The following ANO2 variants were observed in gnomAD, a reference collection of about 807,000 sequenced individuals.
ANO2 encodes anoctamin-2.
A neutral mutation model predicts 124.2 loss-of-function variants in ANO2; 101 were observed. The ratio of observed to expected loss-of-function variants is 0.81; its 90% CI spans 0.69 to 0.96. ANO2 has a LOEUF of 0.96. Ranked by LOEUF, ANO2 falls within the 40% of genes least tolerant of loss-of-function variation. The pLI is 0.00. For missense variants in ANO2, 1,293 were observed against 1,274.5 expected, an observed-to-expected ratio of 1.01 and a Z score of -0.22; for synonymous variants, 486 against 482.5, an observed-to-expected ratio of 1.01 and a Z score of -0.09.
intron 14 of ANO2, among the ~76,000 whole-genome samples, chr12:5,668,147 TTAAC>T (rs781559673): frequency 6.6e-6 from 1 of 152,220 alleles, no homozygotes; most frequent in Non-Finnish European, 1.5e-5. Flanking sequence ...CCACAATAGT[TTAAC>T]TAATTGACAT....
chr12:5,701,056 G>A (rs1280675897), intron 14 of ANO2, among the ~76,000 whole-genome samples: 1 of 148,910 alleles, frequency 6.7e-6, no homozygotes, highest in Admixed American at 6.7e-5. Context: ...CTTCTTACAG[G>A]GTAAATCCTC....
chr12:5,696,262 T>C (rs980462356), intron 14 of ANO2, among the ~76,000 whole-genome samples: 16 of 152,132 alleles, frequency 1.1e-4, no homozygotes, highest in African/African-American at 3.9e-4. Flanking sequence ...TCTAACACAT[T>C]GATCAGACCT....
intron 19 of ANO2, among the ~76,000 whole-genome samples, chr12:5,605,865 G>T (rs187143096): frequency 1.3e-5 from 2 of 152,270 alleles, no homozygotes; most frequent in African/African-American, 4.8e-5. Flanking sequence ...AAGGAGATGC[G>T]TATGAACATC....
chr12:5,583,651 TCAAA>T (rs1942899189), intron 20 of ANO2: 1 of 29,292 alleles, frequency 3.4e-5, no homozygotes, highest in Admixed American at 5.7e-4. Context: ...GGACTCCGTC[TCAAA>T]AAAAAAAAAA....
intron 4 of ANO2, among the ~76,000 whole-genome samples, chr12:5,844,646 T>C (rs1428477760): frequency 1.3e-5 from 2 of 152,200 alleles, no homozygotes; most frequent in East Asian, 3.9e-4. Flanking sequence ...GAATGTGGAA[T>C]AACTCACTGA....
intron 1 of ANO2, among the ~76,000 whole-genome samples, chr12:5,944,843 T>C (rs564146122): frequency 6.6e-6 from 1 of 152,192 alleles, no homozygotes; most frequent in East Asian, 1.9e-4. Context: ...CTTCAGATGC[T>C]GTAGGCTAAA....
intron 14 of ANO2, among the ~76,000 whole-genome samples, chr12:5,730,684 C>T (rs1338694092): frequency 6.6e-6 from 1 of 152,226 alleles, no homozygotes; most frequent in Non-Finnish European, 1.5e-5. Flanking sequence ...ACAAGAGCAG[C>T]ATCCACCTTT....
chr12:5,647,617 C>A lies in ANO2; in HGVS notation c.1620+110G>T, dbSNP rs2277400. ...CCCTCTACACAGGACTGTGGCTTCC[C>A]CTTTACCAGCCTCTCATTATTTCCA... is the stretch of plus-strand genomic sequence containing the variant. On this transcript the variant is annotated intron_variant, in intron 15 of 24. Transcript: ENST00000682330. The A allele has an allele frequency of 1.8e-5, 17 of 938,244 alleles. No homozygotes were observed. The East Asian group carries it at 2.9e-4, about 16-fold the overall frequency. 58.1% of individuals were successfully genotyped at this position (938,244 alleles called of 1,614,324 possible).
Position 5,854,117 on chromosome 12 carries a change from C to A in ANO2, c.559G>T (p.Val187Phe), listed in dbSNP as rs755963554. 2 of 1,613,288 alleles carry A rather than the reference C, an allele frequency of 1.2e-6. No homozygotes were observed. Among genetic ancestry groups the A allele is most frequent in the Non-Finnish European group, 1.7e-6 (2 of 1,179,532 alleles). The change falls in exon 4 of 25, where the codon GTC becomes TTC. Residue 187 changes from valine (V) to phenylalanine (F), a missense_variant. Val to Phe is a conservative substitution (Grantham distance 50, BLOSUM62 -1). Coordinates refer to ENST00000682330, the MANE Select transcript of ANO2 (RefSeq NM_001364791.2). The stretch of plus-strand genomic sequence containing the variant: ...ACCTGCCACGGGGCGTGTATCCGGA[C>A]AAAGATGGATCCCTGGCTTTTATTC... ...LENKSQGSIF[V>F]RIHAPWQVLA...
At chr12:5,938,923 A>T (rs4764502) in intron 1 of ANO2, among the ~76,000 whole-genome samples, 133,262 of 150,406 alleles carry the variant, frequency 0.89, 59,731 homozygotes, top group East Asian at 0.99. Flanking sequence ...ATTTTTTTTT[A>T]AAAATAATTT....
At chr12:5,597,134 C>T (rs914387076) in intron 20 of ANO2, among the ~76,000 whole-genome samples, 5 of 152,002 alleles carry the variant, frequency 3.3e-5, no homozygotes. Context: ...GGTGCAAGTG[C>T]AGGTTTGTCA....
chr12:5,745,758 C>T (rs1951248068), intron 11 of ANO2, among the ~76,000 whole-genome samples: 1 of 152,096 alleles, frequency 6.6e-6, no homozygotes, highest in African/African-American at 2.4e-5. Context: ...TCCACTGACT[C>T]GCTGGCAAAG....
chr12:5,586,023 T>C (rs1344042419), intron 20 of ANO2, among the ~76,000 whole-genome samples: 2 of 152,208 alleles, frequency 1.3e-5, no homozygotes, highest in Non-Finnish European at 2.9e-5. Flanking sequence ...TTCCCGGTTG[T>C]TAGAGCAAGA....
At chr12:5,645,470 C>T (rs995947756) in intron 15 of ANO2, among the ~76,000 whole-genome samples, 2 of 151,904 alleles carry the variant, frequency 1.3e-5, no homozygotes, top group Non-Finnish European at 2.9e-5. Flanking sequence ...CACATATATA[C>T]ATGGCATATA....
At chr12:5,884,331 C>T (rs1029878489) in intron 3 of ANO2, among the ~76,000 whole-genome samples, 1 of 152,354 alleles carries the variant, frequency 6.6e-6, no homozygotes, top group African/African-American at 2.4e-5. Flanking sequence ...CTCTGTCCAC[C>T]TGGCCAGCCT....
At chr12:5,706,791 T>C (rs966116245) in intron 14 of ANO2, among the ~76,000 whole-genome samples, 1 of 152,226 alleles carries the variant, frequency 6.6e-6, no homozygotes, top group Admixed American at 6.5e-5. Flanking sequence ...CAACAAATAG[T>C]TGTGACATTT....
chr12:5,713,377 G>A (rs978325210), intron 14 of ANO2, among the ~76,000 whole-genome samples: 153 of 152,216 alleles, frequency 1.0e-3, no homozygotes, highest in African/African-American at 3.4e-3. Context: ...TTTACTCCAC[G>A]TATATAGATA....
chr12:5,682,079 G>A (rs996748624), intron 14 of ANO2, among the ~76,000 whole-genome samples: 2 of 152,156 alleles, frequency 1.3e-5, no homozygotes, highest in Admixed American at 1.3e-4. Flanking sequence ...AAAAATGAAT[G>A]CATAGAGATC....
intron 3 of ANO2, among the ~76,000 whole-genome samples, chr12:5,874,820 A>G (rs1359808192): frequency 6.6e-6 from 1 of 152,208 alleles, no homozygotes; most frequent in Non-Finnish European, 1.5e-5. Context: ...CTGCCGACCC[A>G]TCATCAAGGA....
Sources: gnomAD v4.1 joint callset for allele counts (sites outside exome capture counted in the v4.1 genomes callset) on GRCh38, gnomAD v4.1.1 for gene constraint, MANE v1.5 for transcripts, NCBI Gene and HGNC (gene_info 2026-07-23, HGNC 2026-07-21) for gene names.